BIVM: variants seen among roughly 807,000 people sequenced by gnomAD.
The protein encoded by BIVM is basic immunoglobulin-like variable motif-containing protein.
In BIVM, 31 loss-of-function variants were observed where a neutral mutation model predicts 61.4. The ratio of observed to expected loss-of-function variants is 0.51; its 90% CI spans 0.38 to 0.68. The LOEUF is 0.68. BIVM is among the 30% of genes least tolerant of loss of function. The probability of loss-of-function intolerance (pLI) is 0.00; values close to 1 mark genes in which losing one functional copy is unlikely to be tolerated. For missense variants in BIVM, 526 were observed against 596.0 expected, an observed-to-expected ratio of 0.88 and a Z score of 1.22; for synonymous variants, 189 against 210.7, an observed-to-expected ratio of 0.90 and a Z score of 0.89.
In BIVM at chr13:102,834,553, G is replaced by A; in HGVS notation, c.1121+1G>A. On this transcript the variant is annotated splice_donor_variant, in intron 9 of 10. Transcript: ENST00000257336. LOFTEE classifies it high-confidence loss of function. ...AACATCCTGCCATTCACTGTAAAAA[G>A]TATGTTAACTTCCCTTTATTTTCTT... 1 of 1,579,362 alleles carries A rather than the reference G, an allele frequency of 6.3e-7. No individual in the cohort carries two copies. Among genetic ancestry groups the A allele is most frequent in the South Asian group, 1.2e-5 (1 of 84,658 alleles).
At position 102,816,534 on chromosome 13, in the gene BIVM, A is replaced by T; in HGVS notation, c.585A>T (p.Lys195Asn). The T allele has an allele frequency of 6.3e-7, 1 of 1,583,340 alleles. No homozygotes were observed. The highest frequency in any genetic ancestry group is 8.6e-7 in the Non-Finnish European group (1 of 1,169,372). The change falls in exon 4 of 11, where the codon AAA becomes AAT. Residue 195 changes from lysine to asparagine, a missense_variant. This residue lies in a region of BIVM where 312 missense variants were observed against 343.8 expected (regional missense o/e 0.91). Coordinates refer to ENST00000257336, the MANE Select transcript of BIVM (RefSeq NM_017693.4). ...HSPLEDIKQR[K>N]VLDLRRWYCI... ...CTCTTGAAGATATTAAACAGCGGAA[A>T]GTATTAGACCTCAGACGATGGTGAT...
In BIVM at chr13:102,821,147, T is replaced by G. The variant is rs9557936; in HGVS notation, c.701+15T>G. 0.23 allele frequency: 367,118 copies of G among 1,600,144 alleles called. 44,380 individuals carry two copies. Among genetic ancestry groups the G allele is most frequent in the East Asian group, 0.47 (21,044 of 44,620 alleles). On this transcript the variant is annotated intron_variant, in intron 5 of 10. Coordinates refer to ENST00000257336, the MANE Select transcript of BIVM (RefSeq NM_017693.4). ...GGAGCTGGAAAGTAAGTATGTCAAT[T>G]TATCAGTACCCCCAAACTCCAAAGT...
At chr13:102,822,311 A>G (rs1880348302) in intron 7 of BIVM, 152 bp downstream of exon 7, 2 of 682,134 alleles carry the variant, frequency 2.9e-6, no homozygotes, top group Admixed American at 3.2e-5. Context: ...CTTGCATGTA[A>G]TCTGTAGGGC....
intron 7 of BIVM, among the ~76,000 whole-genome samples, chr13:102,829,299 A>G (rs955992502): frequency 2.0e-5 from 3 of 152,206 alleles, no homozygotes; most frequent in African/African-American, 7.2e-5. Context: ...TTGGCTGCTC[A>G]GAATACCTGC....
At chr13:102,838,299 T>C (rs1408351449) in intron 9 of BIVM, among the ~76,000 whole-genome samples, 2 of 152,266 alleles carry the variant, frequency 1.3e-5, no homozygotes, top group Non-Finnish European at 2.9e-5. Flanking sequence ...TAGAGACATA[T>C]TAACTTTACA....
In BIVM at chr13:102,814,137, G is replaced by A. The variant is rs1482348529; in HGVS notation, c.479-2291G>A. 2.6e-5 allele frequency among the ~76,000 whole-genome samples: 4 copies of A among 152,114 alleles called. No homozygotes were observed. In the East Asian group the frequency reaches 7.7e-4, roughly 29 times the overall value. On this transcript the variant is annotated intron_variant, in intron 3 of 10. Transcript: ENST00000257336. The stretch of plus-strand genomic sequence containing the variant: ...TGTTTGGTGTTGAGGCTGTGTGTGT[G>A]TGCTGTGGGTAGGGTGAGGAATGGA...
At chr13:102,834,204 TC>T (rs1487390996) in intron 8 of BIVM, among the ~76,000 whole-genome samples, 2 of 152,202 alleles carry the variant, frequency 1.3e-5, no homozygotes, top group East Asian at 3.8e-4. Context: ...GATTTTTTTT[TC>T]CTCCTAGAAT....
In BIVM at chr13:102,807,753, G is replaced by A; in HGVS notation, c.478+8G>A. The stretch of plus-strand genomic sequence containing the variant: ...ATTCGAAACACAAATCAGGTAAGGA[G>A]GGAGCCATGAAGTTCATATGTGAAA... On this transcript the variant is annotated splice_region_variant and intron_variant, in intron 3 of 10. Transcript: ENST00000257336. This position sits in a 1 kb window ranked among gnomAD's most constrained non-coding sequence, Gnocchi z 4.0. 6.3e-7 allele frequency: 1 copy of A among 1,598,564 alleles called. No individual in the cohort carries two copies. Among genetic ancestry groups the A allele is most frequent in the Non-Finnish European group, 8.5e-7 (1 of 1,172,748 alleles).
chr13:102,831,074 C>CT (rs1881032622), intron 7 of BIVM, among the ~76,000 whole-genome samples: 1 of 152,136 alleles, frequency 6.6e-6, no homozygotes, highest in Non-Finnish European at 1.5e-5. Context: ...GATGTGTGTA[C>CT]TGCATATATA....
At chr13:102,833,070 G>A (rs1394634884) in intron 8 of BIVM, among the ~76,000 whole-genome samples, 1 of 151,832 alleles carries the variant, frequency 6.6e-6, no homozygotes, top group Non-Finnish European at 1.5e-5. Context: ...ACCAGCCTGG[G>A]CAACATAGTG....
chr13:102,823,171 C>T (rs1335220348), intron 7 of BIVM, among the ~76,000 whole-genome samples: 2 of 152,114 alleles, frequency 1.3e-5, no homozygotes, highest in African/African-American at 2.4e-5. Flanking sequence ...AAGGTCCAGG[C>T]CTGTTTGAGA....
Position 102,841,020 on chromosome 13 carries a change from T to G in BIVM, c.*1155T>G, listed in dbSNP as rs1183407006. 1 of 152,660 alleles carries G rather than the reference T, an allele frequency of 6.6e-6. No individual in the cohort carries two copies. Among genetic ancestry groups the G allele is most frequent in the East Asian group, 1.9e-4 (1 of 5,192 alleles). 9.5% of individuals were successfully genotyped at this position (152,660 alleles called of 1,614,324 possible). Reference sequence around the variant, plus strand: ...GTCACTCAGAGGACAACTACCCATATTCCAGACTCTGAGCTGTTTCCTTTT... The same window carrying G: ...GTCACTCAGAGGACAACTACCCATAGTCCAGACTCTGAGCTGTTTCCTTTT... On this transcript the variant is annotated 3_prime_UTR_variant, in exon 11 of 11. Coordinates refer to ENST00000257336, the MANE Select transcript of BIVM (RefSeq NM_017693.4).
chr13:102,803,195 C>T (rs1278851681), intron 1 of BIVM, among the ~76,000 whole-genome samples: 1 of 151,332 alleles, frequency 6.6e-6, no homozygotes, highest in Admixed American at 6.6e-5. Flanking sequence ...TATATATGTT[C>T]CAAATGAGCA....
chr13:102,821,086 T>A lies in BIVM; in HGVS notation c.655T>A (p.Leu219Ile), dbSNP rs1183415388. The A allele has an allele frequency of 1.9e-6, 3 of 1,613,686 alleles. No homozygotes were observed. The highest frequency in any genetic ancestry group is 1.7e-5 in the Admixed American group (1 of 59,922). Reference sequence around the variant, plus strand: ...TAAGACTTCTTGTGGCATCTCTTCATTAATTTCTTGTTGGAATTTCTTATA... The same window carrying A: ...TAAGACTTCTTGTGGCATCTCTTCAATAATTTCTTGTTGGAATTTCTTATA... ...QYKTSCGISS[L>I]ISCWNFLYST... Residue 219 changes from leucine (L) to isoleucine (I), a missense_variant, in exon 5 of 11, where the codon TTA becomes ATA. Physicochemically the swap from Leu to Ile is conservative, Grantham distance 5. This residue lies in a region of BIVM where 312 missense variants were observed against 343.8 expected (regional missense o/e 0.91). Coordinates refer to ENST00000257336, the MANE Select transcript of BIVM (RefSeq NM_017693.4).
chr13:102,819,515 C>T (rs1035537161), intron 4 of BIVM, among the ~76,000 whole-genome samples: 5 of 152,052 alleles, frequency 3.3e-5, no homozygotes, highest in Admixed American at 2.6e-4. Flanking sequence ...ATTTAGGGCT[C>T]GTGGCACACG....
At chr13:102,838,867 G>T in intron 10 of BIVM, 128 bp downstream of exon 10, 1 of 895,598 alleles carries the variant, frequency 1.1e-6, no homozygotes, top group Non-Finnish European at 1.6e-6. Flanking sequence ...TTATTTTAAG[G>T]ACACACGGCT....
chr13:102,803,745 GA>G (rs1196366442), intron 1 of BIVM, among the ~76,000 whole-genome samples: 4 of 149,558 alleles, frequency 2.7e-5, no homozygotes, highest in African/African-American at 9.9e-5. Context: ...CCACCCCCAC[GA>G]CCCCAATACC....
chr13:102,833,015 T>C (rs1211026911), intron 8 of BIVM, among the ~76,000 whole-genome samples: 1 of 151,890 alleles, frequency 6.6e-6, no homozygotes, highest in African/African-American at 2.4e-5. Context: ...TCCCAGCATT[T>C]TGGGAGGCTG....
intron 3 of BIVM, among the ~76,000 whole-genome samples, chr13:102,815,881 A>C (rs1879838192): frequency 6.6e-6 from 1 of 152,238 alleles, no homozygotes; most frequent in Non-Finnish European, 1.5e-5. Context: ...ATATGTGTGC[A>C]TCATTCTTCA....
Sources: gnomAD v4.1 joint callset for allele counts (sites outside exome capture counted in the v4.1 genomes callset) on GRCh38, gnomAD v4.1.1 for gene constraint, gnomAD v4.1.1 regional missense constraint, Gnocchi (gnomAD v3.1) non-coding constraint, MANE v1.5 for transcripts, NCBI Gene and HGNC (gene_info 2026-07-23, HGNC 2026-07-21) for gene names.